SEC14L4: variants seen among roughly 807,000 people sequenced by gnomAD.
SEC14L4 encodes the protein SEC14-like protein 4.
In SEC14L4, 42 loss-of-function variants were observed where a neutral mutation model predicts 55.1. The ratio of observed to expected loss-of-function variants is 0.76; its 90% CI spans 0.60 to 0.99. The LOEUF is 0.99. Ranked by LOEUF, SEC14L4 falls within the 50% of genes least tolerant of loss-of-function variation. The pLI, the probability that SEC14L4 is intolerant of heterozygous loss-of-function variation, is 0.00. For missense variants in SEC14L4, 445 were observed against 512.1 expected, an observed-to-expected ratio of 0.87 and a Z score of 1.27; for synonymous variants, 206 against 206.8, an observed-to-expected ratio of 1.00 and a Z score of 0.03.
intron 2 of SEC14L4, among the ~76,000 whole-genome samples, chr22:30,501,042 A>AAAAAAT (rs922624431): frequency 3.3e-5 from 5 of 152,050 alleles, no homozygotes; most frequent in African/African-American, 4.8e-5. Context: ...CTGTGTCTAC[A>AAAAAAT]AAAAATAAAA....
intron 2 of SEC14L4, among the ~76,000 whole-genome samples, chr22:30,501,419 T>G (rs1173076721): frequency 6.6e-6 from 1 of 152,150 alleles, no homozygotes; most frequent in African/African-American, 2.4e-5. Context: ...AAAAAGATAC[T>G]AAAGGAAGAG....
chr22:30,497,077 G>A (rs1352516710), intron 2 of SEC14L4, among the ~76,000 whole-genome samples: 1 of 151,866 alleles, frequency 6.6e-6, no homozygotes, highest in African/African-American at 2.4e-5. Context: ...GGTGGCTCAC[G>A]CCTGTAATTC....
chr22:30,501,151 C>CGG (rs371180715), intron 2 of SEC14L4, among the ~76,000 whole-genome samples: 5 of 152,286 alleles, frequency 3.3e-5, no homozygotes, highest in African/African-American at 9.6e-5. Context: ...CCAAGCTCAG[C>CGG]CTCAGCAGTA....
chr22:30,500,149 CAT>C (rs1936275714), intron 2 of SEC14L4, among the ~76,000 whole-genome samples: 1 of 152,068 alleles, frequency 6.6e-6, no homozygotes, highest in Admixed American at 6.5e-5. Flanking sequence ...GGATTACAGA[CAT>C]GAGCCACCGC....
At chr22:30,495,499 C>G (rs1481079255) in intron 4 of SEC14L4, 57 bp from the exon 5 acceptor site, 1 of 1,608,392 alleles carries the variant, frequency 6.2e-7, no homozygotes, top group African/African-American at 1.3e-5. Flanking sequence ...GGTCCCTACT[C>G]CATCAGGTGG....
intron 2 of SEC14L4, among the ~76,000 whole-genome samples, chr22:30,498,944 A>AT (rs1345832410): frequency 2.0e-5 from 3 of 150,804 alleles, no homozygotes; most frequent in African/African-American, 4.9e-5. Flanking sequence ...AATTATTATT[A>AT]TTATTATTAT....
intron 7 of SEC14L4, among the ~76,000 whole-genome samples, chr22:30,492,988 G>T (rs983917877): frequency 6.6e-6 from 1 of 150,682 alleles, no homozygotes; most frequent in South Asian, 2.1e-4. Context: ...GGTGGCAGCG[G>T]CACAAGAATT....
At chr22:30,498,973 C>T (rs1936235865) in intron 2 of SEC14L4, among the ~76,000 whole-genome samples, 1 of 151,988 alleles carries the variant, frequency 6.6e-6, no homozygotes, top group East Asian at 1.9e-4. Flanking sequence ...TGGAGTCTCG[C>T]TCTGTCGCCC....
intron 2 of SEC14L4, among the ~76,000 whole-genome samples, chr22:30,501,903 G>A (rs1224796554): frequency 9.1e-5 from 11 of 120,850 alleles, no homozygotes; most frequent in Non-Finnish European, 1.8e-4. Context: ...TTTTAAGACA[G>A]AGTCTTGCTT....
Position 30,505,647 on chromosome 22 carries a change from T to A in SEC14L4, c.-36A>T, listed in dbSNP as rs1936466506. Reference sequence around the variant, plus strand: ...GGCGCAGAAAGGCTCAGGGCGCAGGTCCGCCCGCCCGCCGCCGCCTGGCCT... The same window carrying A: ...GGCGCAGAAAGGCTCAGGGCGCAGGACCGCCCGCCCGCCGCCGCCTGGCCT... On this transcript the variant is annotated 5_prime_UTR_variant, in exon 1 of 12. Transcript: ENST00000255858. 1 of 1,521,984 alleles carries A rather than the reference T, an allele frequency of 6.6e-7. No individual in the cohort carries two copies. Among genetic ancestry groups the A allele is most frequent in the African/African-American group, 1.4e-5 (1 of 72,440 alleles). The allele number at this position is 1,521,984 out of a possible 1,614,324, so 94.3% of individuals were successfully genotyped here.
chr22:30,492,260 C>G, intron 8 of SEC14L4, 105 bp from the exon 9 acceptor site: 1 of 1,393,024 alleles, frequency 7.2e-7, no homozygotes, highest in Non-Finnish European at 1.0e-6. Context: ...GGGCGTGCTC[C>G]CCCGGGCACC....
At chr22:30,503,316 G>T (rs1169678870) in intron 2 of SEC14L4, among the ~76,000 whole-genome samples, 1 of 151,720 alleles carries the variant, frequency 6.6e-6, no homozygotes, top group Non-Finnish European at 1.5e-5. Context: ...CCAGGCTGGA[G>T]TGCAATGGCG....
rs142766376 is a variant in SEC14L4, at chr22:30,494,939, G to A, written c.446C>T (p.Ala149Val). The change falls in exon 6 of 12, where the codon GCG becomes GTG. Residue 149 changes from alanine to valine, a missense_variant. Coordinates refer to ENST00000255858, the MANE Select transcript of SEC14L4 (RefSeq NM_174977.4). ...TQKLGRKIEMALMVFDMEGLS... is the reference protein window; with the variant it reads ...TQKLGRKIEMVLMVFDMEGLS... ...CCCCTCCATGTCAAACACCATCAGC[G>A]CCATCTCGATCTTCCTGCCCAGCTG... is the stretch of plus-strand genomic sequence containing the variant. 104 of 1,613,154 alleles carry A rather than the reference G, an allele frequency of 6.4e-5. No homozygotes were observed. In the African/African-American group the frequency reaches 1.0e-3, roughly 16 times the overall value.
intron 2 of SEC14L4, among the ~76,000 whole-genome samples, chr22:30,502,526 A>G (rs1936362267): frequency 6.6e-6 from 1 of 152,072 alleles, no homozygotes; most frequent in Non-Finnish European, 1.5e-5. Flanking sequence ...GTTAAGATGA[A>G]TTTTTCCCTA....
intron 6 of SEC14L4, among the ~76,000 whole-genome samples, chr22:30,494,614 A>G (rs1362141890): frequency 6.6e-6 from 1 of 152,140 alleles, no homozygotes; most frequent in Non-Finnish European, 1.5e-5. Flanking sequence ...TGCTCAAGGA[A>G]TCTTCCCACC....
intron 7 of SEC14L4, 57 bp downstream of exon 7, chr22:30,494,093 T>C: frequency 7.7e-7 from 1 of 1,303,394 alleles, no homozygotes; most frequent in Non-Finnish European, 1.1e-6. Flanking sequence ...GCTTACCTAC[T>C]GTACCCCCAA....
intron 5 of SEC14L4, 48 bp downstream of exon 5, chr22:30,495,206 G>A (rs757323020): frequency 2.7e-6 from 4 of 1,509,252 alleles, no homozygotes; most frequent in Non-Finnish European, 3.6e-6. Context: ...TCTGGTCCTG[G>A]TGCCACCCTG....
chr22:30,490,051 G>T lies in SEC14L4; in HGVS notation c.*56C>A. 6.2e-7 allele frequency: 1 copy of T among 1,602,712 alleles called. No individual in the cohort carries two copies. The highest frequency in any genetic ancestry group is 8.5e-7 in the Non-Finnish European group (1 of 1,173,656). On this transcript the variant is annotated 3_prime_UTR_variant, in exon 12 of 12. Coordinates refer to ENST00000255858, the MANE Select transcript of SEC14L4 (RefSeq NM_174977.4). The stretch of plus-strand genomic sequence containing the variant: ...CACCACCCTGCCTGGGAAGGCAGGG[G>T]TCAGAGGGGTGGGTGTGAAGGGGTT...
rs1458488141 is a variant in SEC14L4, at chr22:30,505,593, C to A, written c.19G>T (p.Asp7Tyr). MSSRVG[D>Y]LSPQQQEALA... ...GCTTCCTGCTGCTGGGGGCTCAGGT[C>A]CCCGACTCGGCTGCTCATGGTGCCC... Residue 7 changes from aspartate (D) to tyrosine (Y), a missense_variant, in exon 1 of 12, where the codon GAC becomes TAC. Transcript: ENST00000255858. 1 of 1,568,172 alleles carries A rather than the reference C, an allele frequency of 6.4e-7. No individual in the cohort carries two copies.
Sources: allele counts gnomAD v4.1 joint callset (sites outside exome capture counted in the v4.1 genomes callset), GRCh38; gene constraint gnomAD v4.1.1; transcripts MANE v1.5; gene names NCBI Gene and HGNC (gene_info 2026-07-23, HGNC 2026-07-21).